Variants in CRMP1 observed in about 807,000 individuals in gnomAD.
The protein encoded by CRMP1 is dihydropyrimidinase-related protein 1.
Under a neutral mutation model 68.3 loss-of-function variants are expected in CRMP1, and 19 were observed. The observed-to-expected ratio is 0.28, with a 90% CI of 0.19 to 0.41. CRMP1 has a LOEUF of 0.41. CRMP1 is among the 10% of genes least tolerant of loss of function. The pLI, the probability that CRMP1 is intolerant of heterozygous loss-of-function variation, is 1.00. For missense variants in CRMP1, 791 were observed against 967.4 expected (o/e 0.82, Z 2.42); for synonymous variants, 439 against 399.6 (o/e 1.10, Z -1.18).
intron 10 of CRMP1, 41 bp downstream of exon 10, chr4:5,836,722 TAG>T (rs1720752523): frequency 6.2e-7 from 1 of 1,613,662 alleles, no homozygotes; most frequent in Non-Finnish European, 8.5e-7. Flanking sequence ...ACAGGGCAGG[TAG>T]AGTGTTTCTA....
intron 1 of CRMP1, among the ~76,000 whole-genome samples, chr4:5,873,192 A>G (rs1714581733): frequency 6.6e-6 from 1 of 152,216 alleles, no homozygotes; most frequent in African/African-American, 2.4e-5. Context: ...AGTGTGGGAA[A>G]TGCAGAGGGC....
intron 9 of CRMP1, 119 bp downstream of exon 9, chr4:5,839,403 C>T (rs1274103974): frequency 1.7e-5 from 22 of 1,274,118 alleles, no homozygotes; most frequent in Admixed American, 6.9e-5. Flanking sequence ...TTGCAGAGCA[C>T]GGGGCAGAGC....
At position 5,872,228 on chromosome 4, in the gene CRMP1, C is replaced by T. The variant is rs986320749; in HGVS notation, c.382-5472G>A. On this transcript the variant is annotated intron_variant, in intron 1 of 13. Coordinates refer to ENST00000324989, the MANE Select transcript of CRMP1 (RefSeq NM_001014809.3). This position sits in a 1 kb window ranked among gnomAD's most constrained non-coding sequence, Gnocchi z 4.6. ...AAATATGAGTGCACAGAACTGTATACTAAAAAAGTAAATGTTACATAATAT... is the reference window on the plus strand; with the variant it reads ...AAATATGAGTGCACAGAACTGTATATTAAAAAAGTAAATGTTACATAATAT... 1.3e-5 allele frequency among the ~76,000 whole-genome samples: 2 copies of T among 151,600 alleles called. No homozygotes were observed. The highest frequency in any genetic ancestry group is 4.9e-5 in the African/African-American group (2 of 41,218).
intron 6 of CRMP1, among the ~76,000 whole-genome samples, chr4:5,848,852 C>A (rs144908027): frequency 6.6e-6 from 1 of 152,174 alleles, no homozygotes; most frequent in African/African-American, 2.4e-5. Flanking sequence ...CCACTAATCC[C>A]GTCATAAGGC....
rs548835481 is a variant in CRMP1 at position 5,856,206 on chromosome 4, C to T, written c.757G>A (p.Val253Met). ...CCATCGTACCAGCTTGTGATGTCCA[C>T]GTGGAGGGAGTAATCACAGCAGGAT... ...TKSCCDYSLH[V>M]DITSWYDGVR... The change falls in exon 4 of 14, where the codon GTG becomes ATG. Residue 253 changes from valine (V) to methionine (M), a missense_variant. Val to Met is a conservative substitution (Grantham distance 21). Transcript: ENST00000324989. 14 of 1,614,026 alleles carry T rather than the reference C, an allele frequency of 8.7e-6. No homozygotes were observed. The highest frequency in any genetic ancestry group is 4.4e-5 in the South Asian group (4 of 91,086).
chr4:5,865,854 C>T lies in CRMP1; in HGVS notation c.470+814G>A, dbSNP rs562056043. Among the ~76,000 whole-genome samples, 14 of 151,934 alleles carry T rather than the reference C, an allele frequency of 9.2e-5. No individual in the cohort carries two copies. Among genetic ancestry groups the T allele is most frequent in the African/African-American group, 3.1e-4 (13 of 41,440 alleles). ...GAAGAAGAGACCCCAGGAGTGTGCACACACACACACAGAAAGGGCCCTGTG... is the reference window on the plus strand; with the variant it reads ...GAAGAAGAGACCCCAGGAGTGTGCATACACACACACAGAAAGGGCCCTGTG... On this transcript the variant is annotated intron_variant, in intron 2 of 13. Transcript: ENST00000324989. The surrounding 1 kb of genome is among the most constrained non-coding windows in gnomAD (Gnocchi z 4.1).
In CRMP1 at chr4:5,861,056, C is replaced by T; in HGVS notation, c.625G>A (p.Ala209Thr). ...AADDFFQGTR[A>T]ALVGGTTMII... Reference sequence around the variant, plus strand: ...ATCGTGGTCCCGCCCACCAGTGCCGCCCTGGTCCCTTGGAAGAAGTCATCA... The same window carrying T: ...ATCGTGGTCCCGCCCACCAGTGCCGTCCTGGTCCCTTGGAAGAAGTCATCA... The change falls in exon 3 of 14, where the codon GCG (alanine) becomes ACG (threonine). Residue 209 changes from alanine to threonine, a missense_variant. Around this residue, in one of 3 missense-constraint regions of CRMP1, gnomAD observed 594 missense variants for 763.6 expected, o/e 0.78. Transcript: ENST00000324989. This position sits in a 1 kb window ranked among gnomAD's most constrained non-coding sequence, Gnocchi z 6.0. 1 of 1,614,174 alleles carries T rather than the reference C, an allele frequency of 6.2e-7. No homozygotes were observed. Among genetic ancestry groups the T allele is most frequent in the Non-Finnish European group, 8.5e-7 (1 of 1,180,024 alleles).
At chr4:5,822,400 C>T (rs778532104) in intron 13 of CRMP1, among the ~76,000 whole-genome samples, 8 of 151,344 alleles carry the variant, frequency 5.3e-5, no homozygotes, top group African/African-American at 1.9e-4. Context: ...TGTGTGTGTA[C>T]ACATTTGTAT....
intron 13 of CRMP1, among the ~76,000 whole-genome samples, chr4:5,823,687 G>A (rs1307557238): frequency 3.3e-5 from 5 of 152,180 alleles, no homozygotes; most frequent in African/African-American, 1.2e-4. Context: ...CTCTGCACAC[G>A]CTAGCTCTCC....
At chr4:5,823,925 T>C (rs1423124486) in intron 13 of CRMP1, among the ~76,000 whole-genome samples, 1 of 152,224 alleles carries the variant, frequency 6.6e-6, no homozygotes, top group Non-Finnish European at 1.5e-5. Flanking sequence ...TGTGAGGTTG[T>C]TATGATGTTG....
At position 5,860,536 on chromosome 4, in the gene CRMP1, T is replaced by C. The variant is rs1219479271; in HGVS notation, c.655+490A>G. Among the ~76,000 whole-genome samples the C allele has an allele frequency of 6.6e-6, 1 of 152,206 alleles. No individual in the cohort carries two copies. Among genetic ancestry groups the C allele is most frequent in the Non-Finnish European group, 1.5e-5 (1 of 68,034 alleles). On this transcript the variant is annotated intron_variant, in intron 3 of 13. Coordinates refer to ENST00000324989, the MANE Select transcript of CRMP1 (RefSeq NM_001014809.3). The surrounding 1 kb of genome is among the most constrained non-coding windows in gnomAD (Gnocchi z 4.2). ...AGCTGTGTCTCCTTGGGCAAGTTGCTTCACCTCTCTGAGCCTCTATTCTCC... is the reference window on the plus strand; with the variant it reads ...AGCTGTGTCTCCTTGGGCAAGTTGCCTCACCTCTCTGAGCCTCTATTCTCC...
intron 1 of CRMP1, among the ~76,000 whole-genome samples, chr4:5,868,523 A>C (rs1714209166): frequency 6.6e-6 from 1 of 151,714 alleles, no homozygotes; most frequent in African/African-American, 2.4e-5. Context: ...GGATGGTCTC[A>C]ATCTCCCGAC....
Position 5,856,873 on chromosome 4 carries a change from TCAC to T in CRMP1, c.656-569_656-567del, listed in dbSNP as rs201756940. On this transcript the variant is annotated intron_variant, in intron 3 of 13. Transcript: ENST00000324989. ...CATTGTCACCCCACCATCATCACCA[TCAC>T]CACCACCACCACCATCATCATCATT... Among the ~76,000 whole-genome samples the T allele has an allele frequency of 4.0e-4, 54 of 135,440 alleles. 4 individuals are homozygous for T. Among genetic ancestry groups the T allele is most frequent in the South Asian group, 1.2e-3 (5 of 4,164 alleles). 88.9% of individuals were successfully genotyped at this position (135,440 alleles called of 152,430 possible).
At chr4:5,822,704 A>T (rs1718851667) in intron 13 of CRMP1, among the ~76,000 whole-genome samples, 1 of 152,208 alleles carries the variant, frequency 6.6e-6, no homozygotes, top group Non-Finnish European at 1.5e-5. Flanking sequence ...AGGGAGGGGA[A>T]GTTGAGCCGG....
At position 5,888,206 on chromosome 4, in the gene CRMP1, G is replaced by A. The variant is rs754366465; in HGVS notation, c.381+4383C>T. On this transcript the variant is annotated intron_variant, in intron 1 of 13. Coordinates refer to ENST00000324989, the MANE Select transcript of CRMP1 (RefSeq NM_001014809.3). The surrounding 1 kb of genome is among the most constrained non-coding windows in gnomAD (Gnocchi z 6.4). Reference sequence around the variant, plus strand: ...CAGCCCACAAAGGCCAGCGCGGGGCGGCGGGGGCGGGGGCCGCTTACCGTG... The same window carrying A: ...CAGCCCACAAAGGCCAGCGCGGGGCAGCGGGGGCGGGGGCCGCTTACCGTG... The A allele has an allele frequency of 5.6e-6, 7 of 1,259,050 alleles. No homozygotes were observed. The East Asian group carries it at 1.9e-4, about 34-fold the overall frequency. 78.0% of individuals were successfully genotyped at this position (1,259,050 alleles called of 1,614,324 possible).
intron 4 of CRMP1, among the ~76,000 whole-genome samples, chr4:5,851,903 A>AGT (rs386399135): frequency 2.5e-4 from 3 of 11,868 alleles, no homozygotes; most frequent in Non-Finnish European, 7.3e-4. Flanking sequence ...AGGAAGAAAA[A>AGT]GGAGAAAGAG....
chr4:5,824,644 C>G, intron 13 of CRMP1: 2 of 942,044 alleles, frequency 2.1e-6, no homozygotes, highest in Non-Finnish European at 2.5e-6. Flanking sequence ...TTTCAAATGG[C>G]TATTGAATAT....
At chr4:5,840,056 G>C (rs1484382249) in intron 8 of CRMP1, among the ~76,000 whole-genome samples, 2 of 152,226 alleles carry the variant, frequency 1.3e-5, no homozygotes, top group African/African-American at 2.4e-5. Flanking sequence ...TAGGAATCTA[G>C]TTCAAGAGTC....
rs1711871491 is a variant in CRMP1 at position 5,842,721 on chromosome 4, C to A, written c.1032+372G>T. Reference sequence around the variant, plus strand: ...ACACAGCCAGTCCAGGGGAAGTCATCCTTTTTCAAGGCTTGGGAACAGGGC... The same window carrying A: ...ACACAGCCAGTCCAGGGGAAGTCATACTTTTTCAAGGCTTGGGAACAGGGC... On this transcript the variant is annotated intron_variant, in intron 7 of 13. Transcript: ENST00000324989. This position sits in a 1 kb window ranked among gnomAD's most constrained non-coding sequence, Gnocchi z 4.5. Among the ~76,000 whole-genome samples, 1 of 152,096 alleles carries A rather than the reference C, an allele frequency of 6.6e-6. No individual in the cohort carries two copies. Among genetic ancestry groups the A allele is most frequent in the Non-Finnish European group, 1.5e-5 (1 of 68,026 alleles).
Sources: allele counts gnomAD v4.1 joint callset (sites outside exome capture counted in the v4.1 genomes callset), GRCh38; gene constraint gnomAD v4.1.1; regional missense constraint gnomAD v4.1.1; non-coding constraint Gnocchi (gnomAD v3.1); transcripts MANE v1.5; gene names NCBI Gene and HGNC (gene_info 2026-07-23, HGNC 2026-07-21).